The following ADAMTS3 variants were observed in gnomAD, a reference collection of about 807,000 sequenced individuals.
The protein encoded by ADAMTS3 is A disintegrin and metalloproteinase with thrombospondin motifs 3.
Under a neutral mutation model 129.0 loss-of-function variants are expected in ADAMTS3, and 73 were observed. The observed-to-expected ratio is 0.57, with a 90% CI of 0.47 to 0.69. The LOEUF is 0.69. ADAMTS3 is among the 30% of genes least tolerant of loss of function. The pLI is 0.00. For synonymous variants in ADAMTS3, 477 were observed against 510.8 expected (o/e 0.93, Z 0.89); for missense variants, 1,457 against 1,514.5 (o/e 0.96, Z 0.63).
At chr4:72,431,185 T>C (rs1435239690) in intron 3 of ADAMTS3, among the ~76,000 whole-genome samples, 1 of 151,952 alleles carries the variant, frequency 6.6e-6, no homozygotes, top group Non-Finnish European at 1.5e-5. Flanking sequence ...AAAAGAATTA[T>C]GGCACAATGG....
intron 3 of ADAMTS3, among the ~76,000 whole-genome samples, chr4:72,528,777 C>G (rs1720882107): frequency 1.3e-5 from 2 of 152,080 alleles, no homozygotes; most frequent in Admixed American, 1.3e-4. Context: ...ATTCACCTCT[C>G]AAGAGTGGTA....
intron 15 of ADAMTS3, among the ~76,000 whole-genome samples, chr4:72,309,147 C>T (rs575441709): frequency 6.6e-6 from 1 of 151,520 alleles, no homozygotes; most frequent in Non-Finnish European, 1.5e-5. Context: ...ATAACTGATA[C>T]TGATTTTACT....
intron 5 of ADAMTS3, among the ~76,000 whole-genome samples, chr4:72,329,784 G>A (rs2109820286): frequency 6.6e-6 from 1 of 151,526 alleles, no homozygotes; most frequent in East Asian, 1.9e-4. Flanking sequence ...ATGTTCTGTG[G>A]GATCTGGTAC....
chr4:72,347,678 T>G (rs1027308012), intron 4 of ADAMTS3, among the ~76,000 whole-genome samples: 2 of 152,070 alleles, frequency 1.3e-5, no homozygotes, highest in African/African-American at 2.4e-5. Flanking sequence ...AACATTTCTC[T>G]TCCTCTTGAC....
intron 1 of ADAMTS3, among the ~76,000 whole-genome samples, chr4:72,568,350 C>A (rs910020101): frequency 6.6e-6 from 1 of 152,172 alleles, no homozygotes; most frequent in African/African-American, 2.4e-5. Flanking sequence ...ATTCAAGCGC[C>A]CAGACCGCCC....
At chr4:72,404,825 AACACACACACACACAC>A (rs146366382) in intron 4 of ADAMTS3, among the ~76,000 whole-genome samples, 2 of 148,810 alleles carry the variant, frequency 1.3e-5, no homozygotes, top group Admixed American at 6.7e-5. Flanking sequence ...AAGCAAACAA[AACACACACACACACAC>A]ACACACACAC....
chr4:72,381,385 C>T (rs2109879535), intron 4 of ADAMTS3, among the ~76,000 whole-genome samples: 1 of 152,170 alleles, frequency 6.6e-6, no homozygotes, highest in South Asian at 2.1e-4. Flanking sequence ...ACATCGAGTG[C>T]TATTGGATTA....
At chr4:72,464,390 C>T (rs145637164) in intron 3 of ADAMTS3, among the ~76,000 whole-genome samples, 31 of 152,148 alleles carry the variant, frequency 2.0e-4, no homozygotes, top group African/African-American at 7.2e-4. Context: ...GGGAATGTCA[C>T]TCCTTCATTC....
At chr4:72,305,966 A>T in intron 16 of ADAMTS3, 21 bp downstream of exon 16, 2 of 1,596,432 alleles carry the variant, frequency 1.3e-6, no homozygotes, top group Non-Finnish European at 1.7e-6. Context: ...TAAAGCAGAG[A>T]CAGCAGACAG....
intron 7 of ADAMTS3, 109 bp from the exon 8 acceptor site, chr4:72,320,072 G>A (rs909015326): frequency 8.5e-5 from 68 of 804,644 alleles, no homozygotes; most frequent in Non-Finnish European, 1.3e-4. Flanking sequence ...TCAGGAAACA[G>A]GGGTAGCATT....
chr4:72,558,535 C>G (rs1481661), intron 2 of ADAMTS3, among the ~76,000 whole-genome samples: 4,217 of 151,728 alleles, frequency 0.028, 332 homozygotes, highest in African/African-American at 0.099. Flanking sequence ...AACCTCAATT[C>G]CATCTGCAAA....
At chr4:72,375,251 T>C (rs547618017) in intron 4 of ADAMTS3, among the ~76,000 whole-genome samples, 2 of 152,274 alleles carry the variant, frequency 1.3e-5, no homozygotes, top group Admixed American at 6.5e-5. Context: ...GGCAGCAAAT[T>C]GGCCCAGCAA....
At chr4:72,506,552 T>C (rs1720163852) in intron 3 of ADAMTS3, among the ~76,000 whole-genome samples, 1 of 152,210 alleles carries the variant, frequency 6.6e-6, no homozygotes, top group Admixed American at 6.6e-5. Context: ...GCTGATTTTA[T>C]ATGAACTCAG....
intron 4 of ADAMTS3, among the ~76,000 whole-genome samples, chr4:72,400,194 G>C (rs1387721402): frequency 2.2e-5 from 3 of 136,830 alleles, no homozygotes; most frequent in African/African-American, 8.2e-5. Context: ...ATGTATATGT[G>C]TGTATATATG....
chr4:72,515,865 C>T (rs1720457818), intron 3 of ADAMTS3, among the ~76,000 whole-genome samples: 1 of 152,082 alleles, frequency 6.6e-6, no homozygotes, highest in Non-Finnish European at 1.5e-5. Flanking sequence ...TCAATTTTGG[C>T]TTTTGTTGCC....
intron 5 of ADAMTS3, among the ~76,000 whole-genome samples, chr4:72,325,600 G>T (rs144263060): frequency 6.6e-6 from 1 of 152,192 alleles, no homozygotes; most frequent in East Asian, 1.9e-4. Flanking sequence ...TTAAAATAAG[G>T]TTGAAAGCAA....
At chr4:72,391,055 T>C (rs2164106) in intron 4 of ADAMTS3, among the ~76,000 whole-genome samples, 102,304 of 151,858 alleles carry the variant, frequency 0.67, 34,726 homozygotes, top group Admixed American at 0.78. Flanking sequence ...CCACTGCAGT[T>C]TGCACATTGG....
intron 4 of ADAMTS3, among the ~76,000 whole-genome samples, chr4:72,393,492 C>A (rs1721653000): frequency 6.6e-6 from 1 of 152,060 alleles, no homozygotes; most frequent in Non-Finnish European, 1.5e-5. Context: ...GAGCAAAAGT[C>A]TTCCCTTAGC....
rs1422303389 is a variant in ADAMTS3, at chr4:72,311,052, C to T, written c.2051G>A (p.Cys684Tyr). ...GGGGAAGCAATTTGAACTTACCACA[C>T]ACTCTCCTCGCACACATATGCTATA... ...DPYSICVRGE[C>Y]VKVGCDKEIG... Residue 684 changes from cysteine to tyrosine, a missense_variant, in exon 14 of 22, where the codon TGT becomes TAT. Coordinates refer to ENST00000286657, the MANE Select transcript of ADAMTS3 (RefSeq NM_014243.3). The T allele has an allele frequency of 2.5e-6, 4 of 1,595,742 alleles. No homozygotes were observed. Among genetic ancestry groups the T allele is most frequent in the African/African-American group, 1.3e-5 (1 of 74,408 alleles).
Sources: allele counts gnomAD v4.1 joint callset (sites outside exome capture counted in the v4.1 genomes callset), GRCh38; gene constraint gnomAD v4.1.1; transcripts MANE v1.5; gene names NCBI Gene and HGNC (gene_info 2026-07-23, HGNC 2026-07-21).